WFDC10B: variants seen among roughly 807,000 people sequenced by gnomAD.
WFDC10B encodes the protein protein WFDC10B.
A neutral mutation model predicts 2.7 loss-of-function variants in WFDC10B; 1 was observed. The observed-to-expected ratio is 0.38, with a 90% CI of 0.13 to 1.79. WFDC10B has a LOEUF of 1.79. Ranked by LOEUF, WFDC10B falls within the 40% of genes most tolerant of loss-of-function variation. WFDC10B has a pLI of 0.33. For synonymous variants in WFDC10B, 26 were observed against 32.2 expected (o/e 0.81, Z 0.65); for missense variants, 71 against 87.8 (o/e 0.81, Z 0.76).
intron 2 of WFDC10B, chr20:45,702,051 T>G (rs1048321588): frequency 4.2e-5 from 61 of 1,442,098 alleles, no homozygotes; most frequent in Non-Finnish European, 5.3e-5. Context: ...TTTCCTTCTC[T>G]TCTCCTCACA....
intron 2 of WFDC10B, among the ~76,000 whole-genome samples, chr20:45,691,830 C>T (rs1983822646): frequency 6.6e-6 from 1 of 152,072 alleles, no homozygotes; most frequent in Non-Finnish European, 1.5e-5. Context: ...GCATTTAGTC[C>T]ATTACATTTA....
chr20:45,686,539 TG>T (rs11479569), intron 2 of WFDC10B, among the ~76,000 whole-genome samples: 38,403 of 149,920 alleles, frequency 0.26, 5,674 homozygotes, highest in East Asian at 0.55. Context: ...ATAATTTTTT[TG>T]GGGGGGGGCG....
At chr20:45,686,241 G>C (rs1227670589) in intron 2 of WFDC10B, among the ~76,000 whole-genome samples, 185 bp from the exon 3 acceptor site, 2 of 152,176 alleles carry the variant, frequency 1.3e-5, no homozygotes, top group African/African-American at 4.8e-5. Flanking sequence ...AACCAGTCCT[G>C]TGTTCTTGCT....
intron 2 of WFDC10B, among the ~76,000 whole-genome samples, chr20:45,698,964 TC>T (rs1568673721): frequency 3.1e-5 from 1 of 32,498 alleles, no homozygotes; most frequent in African/African-American, 2.0e-4. Flanking sequence ...TGAGAATCCA[TC>T]TAAAAAAAAA....
intron 2 of WFDC10B, chr20:45,702,338 T>C (rs1600966567): frequency 1.2e-5 from 12 of 974,780 alleles, no homozygotes; most frequent in South Asian, 8.1e-5. Flanking sequence ...AGCTTTATTG[T>C]TGGCAAGATC....
intron 2 of WFDC10B, among the ~76,000 whole-genome samples, chr20:45,698,984 GA>G: frequency 7.0e-6 from 1 of 143,250 alleles, no homozygotes; most frequent in African/African-American, 2.6e-5. Flanking sequence ...AAAAAAAGAA[GA>G]AGGAGGAGAA....
rs144436492 is a variant in WFDC10B at position 45,704,197 on chromosome 20, G to A, written c.-65+300C>T. On this transcript the variant is annotated intron_variant, in intron 2 of 3. Transcript: ENST00000330523. Reference sequence around the variant, plus strand: ...GCTTGGCATCTGAACTACAAGGATGGTGAATGACCAATGGGTGCAGGGTTC... The same window carrying A: ...GCTTGGCATCTGAACTACAAGGATGATGAATGACCAATGGGTGCAGGGTTC... 1.7e-3 allele frequency among the ~76,000 whole-genome samples: 266 copies of A among 152,326 alleles called. 2 individuals carry two copies. The highest frequency in any genetic ancestry group is 5.7e-3 in the African/African-American group (238 of 41,568).
intron 2 of WFDC10B, among the ~76,000 whole-genome samples, chr20:45,686,723 C>T (rs946328396): frequency 6.6e-5 from 10 of 151,348 alleles, no homozygotes; most frequent in Non-Finnish European, 1.0e-4. Flanking sequence ...AGTGCAATGG[C>T]GTGATCTTGG....
chr20:45,697,402 T>TTTTTTCA (rs1491218635), intron 2 of WFDC10B, among the ~76,000 whole-genome samples: 1 of 129,464 alleles, frequency 7.7e-6, no homozygotes, highest in Non-Finnish European at 1.6e-5. Context: ...TTTTTTTTTT[T>TTTTTTCA]GAGACAGCGT....
chr20:45,703,497 A>C (rs1984257385), intron 2 of WFDC10B, among the ~76,000 whole-genome samples: 2 of 152,166 alleles, frequency 1.3e-5, no homozygotes, highest in African/African-American at 4.8e-5. Context: ...TAGACCCACA[A>C]TTCCTCTATT....
chr20:45,684,691 A>G lies in WFDC10B; in HGVS notation c.*139T>C, dbSNP rs1195800305. ...TCTGGTTTATTTGACAGGGACAGGG[A>G]GTTCAGACACTGGGGAGGGTGGCAT... is the stretch of plus-strand genomic sequence containing the variant. On this transcript the variant is annotated 3_prime_UTR_variant, in exon 4 of 4. Transcript: ENST00000330523. The G allele has an allele frequency of 2.5e-5, 29 of 1,151,916 alleles. No homozygotes were observed. The East Asian group carries it at 5.9e-4, about 23-fold the overall frequency. 71.4% of individuals were successfully genotyped at this position (1,151,916 alleles called of 1,614,324 possible).
intron 2 of WFDC10B, among the ~76,000 whole-genome samples, chr20:45,691,901 C>T (rs1460662912): frequency 6.6e-6 from 1 of 152,110 alleles, no homozygotes; most frequent in Non-Finnish European, 1.5e-5. Context: ...GGTTATTTTG[C>T]TTGTTAGTTG....
At chr20:45,686,667 C>A (rs1983632363) in intron 2 of WFDC10B, among the ~76,000 whole-genome samples, 1 of 150,786 alleles carries the variant, frequency 6.6e-6, no homozygotes, top group African/African-American at 2.4e-5. Context: ...ATTATAAATT[C>A]TTCTTTTTTT....
chr20:45,697,544 G>A (rs1984015030), intron 2 of WFDC10B, among the ~76,000 whole-genome samples: 1 of 151,708 alleles, frequency 6.6e-6, no homozygotes, highest in African/African-American at 2.4e-5. Flanking sequence ...TAGAGACAGG[G>A]TTTTGCCATG....
intron 2 of WFDC10B, among the ~76,000 whole-genome samples, chr20:45,692,523 C>A (rs1414444442): frequency 6.6e-6 from 1 of 152,182 alleles, no homozygotes; most frequent in Non-Finnish European, 1.5e-5. Flanking sequence ...TTCTTGGAGG[C>A]TTTGTTCATT....
At chr20:45,700,896 G>C (rs1984133607) in intron 2 of WFDC10B, among the ~76,000 whole-genome samples, 1 of 152,150 alleles carries the variant, frequency 6.6e-6, no homozygotes, top group African/African-American at 2.4e-5. Context: ...GATAAACACT[G>C]AAGAGAACAC....
chr20:45,695,633 T>G (rs935959354), intron 2 of WFDC10B, among the ~76,000 whole-genome samples: 10 of 152,150 alleles, frequency 6.6e-5, no homozygotes, highest in African/African-American at 2.2e-4. Flanking sequence ...CTCAAAAATG[T>G]GAAATTAATA....
chr20:45,703,790 C>A (rs1984273799), intron 2 of WFDC10B, among the ~76,000 whole-genome samples: 2 of 152,272 alleles, frequency 1.3e-5, no homozygotes, highest in Admixed American at 6.5e-5. Flanking sequence ...CATCCTGGTG[C>A]TCTGGCCTCC....
intron 2 of WFDC10B, among the ~76,000 whole-genome samples, chr20:45,688,718 G>C (rs2145635205): frequency 6.6e-6 from 1 of 152,266 alleles, no homozygotes; most frequent in East Asian, 1.9e-4. Context: ...ATTTGTTAGA[G>C]TTCATTGTAG....
Sources: gnomAD v4.1 joint callset for allele counts (sites outside exome capture counted in the v4.1 genomes callset) on GRCh38, gnomAD v4.1.1 for gene constraint, MANE v1.5 for transcripts, NCBI Gene and HGNC (gene_info 2026-07-23, HGNC 2026-07-21) for gene names.